The following CSMD1 variants were observed in gnomAD, a reference collection of about 807,000 sequenced individuals.
CSMD1 encodes the protein CUB and Sushi multiple domains 1, also known as CUB and sushi domain-containing protein 1.
A neutral mutation model predicts 417.5 loss-of-function variants in CSMD1; 213 were observed. The observed-to-expected ratio is 0.51, with a 90% CI of 0.46 to 0.57. The LOEUF is 0.57. Ranked by LOEUF, CSMD1 falls within the 20% of genes least tolerant of loss-of-function variation. The pLI, the probability that CSMD1 is intolerant of heterozygous loss-of-function variation, is 0.00. For missense variants in CSMD1, 6,923 were observed against 4,529.7 expected, an observed-to-expected ratio of 1.53 and a Z score of -15.17; for synonymous variants, 2,862 against 1,736.8, an observed-to-expected ratio of 1.65 and a Z score of -16.11.
Position 3,181,204 on chromosome 8 carries a change from T to G in CSMD1, c.5631A>C (p.Val1877=). 1 of 1,612,634 alleles carries G rather than the reference T, an allele frequency of 6.2e-7. No individual in the cohort carries two copies. The highest frequency in any genetic ancestry group is 8.5e-7 in the Non-Finnish European group (1 of 1,178,754). The part of the protein sequence containing the change: ...PRLGSFSGTT[V]PALLNSTSNQ... ...TGGAAGTACTGTTCAGCAGTGCCGGTACTGTGGTGCCTGTAAGAAACAATG... is the reference window on the plus strand; with the variant it reads ...TGGAAGTACTGTTCAGCAGTGCCGGGACTGTGGTGCCTGTAAGAAACAATG... The change falls in exon 37 of 70, where the codon GTA becomes GTC. Residue 1877 remains valine (V), a synonymous_variant. Transcript: ENST00000635120.
chr8:3,083,634 ATATATATATATATATTTTTTTTTTTTTTT>A (rs1304369809), intron 49 of CSMD1, among the ~76,000 whole-genome samples: 2 of 23,346 alleles, frequency 8.6e-5, no homozygotes, highest in African/African-American at 1.5e-4. Context: ...ATATATATAT[ATATATATATATATATTTTTTTTTTTTTTT>A]TTTTTTTTTT....
At chr8:4,047,402 T>A (rs1049577779) in intron 3 of CSMD1, among the ~76,000 whole-genome samples, 1 of 152,154 alleles carries the variant, frequency 6.6e-6, no homozygotes, top group Non-Finnish European at 1.5e-5. Flanking sequence ...CAGGAAATAT[T>A]GCGGAAAAAA....
At chr8:2,956,479 A>G (rs551576218) in intron 63 of CSMD1, among the ~76,000 whole-genome samples, 2 of 151,350 alleles carry the variant, frequency 1.3e-5, no homozygotes, top group South Asian at 4.2e-4. Context: ...TTATTTTTTG[A>G]GTCTCGCTGT....
intron 12 of CSMD1, among the ~76,000 whole-genome samples, chr8:3,432,507 G>GT (rs1274199089): frequency 5.4e-5 from 7 of 130,038 alleles, no homozygotes; most frequent in African/African-American, 1.4e-4. Context: ...TTCAATATGG[G>GT]CTTTTTTTTT....
At chr8:3,811,417 C>T (rs2129077237) in intron 5 of CSMD1, among the ~76,000 whole-genome samples, 1 of 152,260 alleles carries the variant, frequency 6.6e-6, no homozygotes, top group East Asian at 1.9e-4. Flanking sequence ...AAGGCATTTG[C>T]TTCATGTTCG....
At chr8:4,064,261 G>T (rs748278512) in intron 3 of CSMD1, among the ~76,000 whole-genome samples, 3 of 152,186 alleles carry the variant, frequency 2.0e-5, no homozygotes, top group Non-Finnish European at 4.4e-5. Flanking sequence ...CTTGACGTCA[G>T]TCTTCCCTTT....
chr8:4,619,559 A>G (rs1801655373), intron 2 of CSMD1, among the ~76,000 whole-genome samples: 3 of 152,172 alleles, frequency 2.0e-5, no homozygotes, highest in Admixed American at 6.5e-5. Context: ...ATCTTGCATT[A>G]GTGTTTTGAT....
At chr8:4,438,185 A>C (rs188316918) in intron 2 of CSMD1, among the ~76,000 whole-genome samples, 36 of 152,268 alleles carry the variant, frequency 2.4e-4, no homozygotes, top group African/African-American at 7.7e-4. Context: ...AAAAACTCAT[A>C]AACATTGAGA....
chr8:3,804,003 C>T (rs1328092704), intron 5 of CSMD1, among the ~76,000 whole-genome samples: 1 of 152,154 alleles, frequency 6.6e-6, no homozygotes, highest in Non-Finnish European at 1.5e-5. Flanking sequence ...TCTCGGCTCA[C>T]TGCAACCTCC....
chr8:4,358,506 A>G (rs1801564320), intron 3 of CSMD1, among the ~76,000 whole-genome samples: 1 of 152,210 alleles, frequency 6.6e-6, no homozygotes, highest in South Asian at 2.1e-4. Context: ...CTTTTGCGAT[A>G]CCAGCAGAGC....
intron 1 of CSMD1, among the ~76,000 whole-genome samples, chr8:4,724,557 TG>T (rs1563224862): frequency 7.2e-4 from 109 of 151,510 alleles, no homozygotes; most frequent in African/African-American, 2.5e-3. Context: ...TGTGTGTGTG[TG>T]TGTGTTTATA....
At chr8:4,225,502 A>G (rs1464506030) in intron 3 of CSMD1, among the ~76,000 whole-genome samples, 3 of 62,284 alleles carry the variant, frequency 4.8e-5, no homozygotes, top group Non-Finnish European at 1.3e-4. Flanking sequence ...GCAACTCATC[A>G]CTTTTTTTTT....
chr8:4,926,937 G>C (rs1034348443), intron 1 of CSMD1, among the ~76,000 whole-genome samples: 1 of 151,652 alleles, frequency 6.6e-6, no homozygotes, highest in African/African-American at 2.4e-5. Flanking sequence ...CATTTACTTG[G>C]ACCCAAGTTT....
intron 46 of CSMD1, among the ~76,000 whole-genome samples, chr8:3,105,267 G>A (rs545857190): frequency 2.2e-4 from 34 of 152,110 alleles, no homozygotes; most frequent in Non-Finnish European, 3.4e-4. Flanking sequence ...CTCTGGCTCC[G>A]GGTCCTGTCT....
intron 2 of CSMD1, among the ~76,000 whole-genome samples, chr8:4,562,411 T>A (rs1798385355): frequency 1.3e-5 from 2 of 152,144 alleles, no homozygotes; most frequent in South Asian, 2.1e-4. Flanking sequence ...AGTAAATTAT[T>A]TTAATTCTTT....
intron 5 of CSMD1, among the ~76,000 whole-genome samples, chr8:3,961,561 C>T (rs2554506): frequency 0.22 from 33,634 of 152,114 alleles, 3,998 homozygotes; most frequent in East Asian, 0.34. Context: ...CAGAAATTTC[C>T]ACTAAAGGTA....
At chr8:4,346,710 A>T (rs941299130) in intron 3 of CSMD1, among the ~76,000 whole-genome samples, 1 of 152,156 alleles carries the variant, frequency 6.6e-6, no homozygotes, top group Non-Finnish European at 1.5e-5. Context: ...GAAATGTCGT[A>T]TTATTTATAA....
chr8:3,364,380 AT>A (rs1809410831), intron 20 of CSMD1, among the ~76,000 whole-genome samples: 1 of 152,040 alleles, frequency 6.6e-6, no homozygotes, highest in South Asian at 2.1e-4. Flanking sequence ...GGCTTTAGGT[AT>A]TATTTTCTAC....
chr8:3,718,391 A>G (rs115757075), intron 6 of CSMD1, among the ~76,000 whole-genome samples: 1 of 152,088 alleles, frequency 6.6e-6, no homozygotes, highest in Non-Finnish European at 1.5e-5. Flanking sequence ...TTTTATTTCT[A>G]CCCTTAAATC....
Sources: gnomAD v4.1 joint callset for allele counts (sites outside exome capture counted in the v4.1 genomes callset) on GRCh38, gnomAD v4.1.1 for gene constraint, MANE v1.5 for transcripts, NCBI Gene and HGNC (gene_info 2026-07-23, HGNC 2026-07-21) for gene names.